PDE8B: variants seen among roughly 807,000 people sequenced by gnomAD.
PDE8B encodes the protein high affinity cAMP-specific and IBMX-insensitive 3',5'-cyclic phosphodiesterase 8B.
In PDE8B, 26 loss-of-function variants were observed where a neutral mutation model predicts 101.3. That is an observed-to-expected ratio of 0.26 (90% CI 0.19 to 0.36). The LOEUF is 0.36. Among genes scored for constraint, PDE8B ranks in the 10% least tolerant of loss-of-function variants. The probability of loss-of-function intolerance (pLI) is 1.00; values close to 1 mark genes in which losing one functional copy is unlikely to be tolerated. For missense variants in PDE8B, 810 were observed against 1,163.1 expected (o/e 0.70, Z 4.42); for synonymous variants, 424 against 429.3 (o/e 0.99, Z 0.15).
chr5:77,240,223 G>A (rs552847253), intron 1 of PDE8B, among the ~76,000 whole-genome samples: 6 of 152,032 alleles, frequency 3.9e-5, no homozygotes, highest in African/African-American at 1.4e-4. Context: ...GCGCGATCCC[G>A]GCTCACTGCA....
In PDE8B at chr5:77,293,484, CCATTT is replaced by C. The variant is rs1294056626; in HGVS notation, c.340-18509_340-18505del. 3.3e-5 allele frequency among the ~76,000 whole-genome samples: 5 copies of C among 152,198 alleles called. No individual in the cohort carries two copies. In the East Asian group the frequency reaches 9.7e-4, roughly 29 times the overall value. The stretch of plus-strand genomic sequence containing the variant: ...CCACCCAGGAAAACAGCATCTCATT[CCATTT>C]ATTTCAGTCATATTTTCTGACACTC... On this transcript the variant is annotated intron_variant, in intron 1 of 21. Coordinates refer to ENST00000264917, the MANE Select transcript of PDE8B (RefSeq NM_003719.5).
intron 10 of PDE8B, among the ~76,000 whole-genome samples, chr5:77,381,929 T>G (rs775612432): frequency 8.5e-5 from 13 of 152,218 alleles, no homozygotes; most frequent in Non-Finnish European, 1.8e-4. Context: ...TATTATCTTA[T>G]GCCCAGGCTC....
At position 77,326,674 on chromosome 5, in the gene PDE8B, A is replaced by G. The variant is rs190641197; in HGVS notation, c.590+945A>G. On this transcript the variant is annotated intron_variant, in intron 3 of 21. Coordinates refer to ENST00000264917, the MANE Select transcript of PDE8B (RefSeq NM_003719.5). ...ATTTTTCTATTTAATAGTGTATATA[A>G]ATATACATATAGTATATCATAAAAT... Among the ~76,000 whole-genome samples the G allele has an allele frequency of 2.0e-5, 3 of 152,284 alleles. No individual in the cohort carries two copies. In the South Asian group the frequency reaches 6.2e-4, roughly 32 times the overall value.
intron 10 of PDE8B, among the ~76,000 whole-genome samples, chr5:77,386,628 G>C (rs1462819607): frequency 1.3e-5 from 2 of 151,886 alleles, no homozygotes; most frequent in African/African-American, 4.8e-5. Context: ...CCATTTGCTT[G>C]GTAAATATTT....
the PDE8B span, among the ~76,000 whole-genome samples, chr5:77,174,469 T>G: frequency 6.6e-6 from 1 of 152,142 alleles, no homozygotes; most frequent in Non-Finnish European, 1.5e-5. Flanking sequence ...TTATTAATTA[T>G]CTCTCTCTCC....
the PDE8B span, among the ~76,000 whole-genome samples, chr5:77,149,761 C>G: frequency 1.3e-5 from 2 of 152,018 alleles, no homozygotes; most frequent in East Asian, 3.9e-4. Flanking sequence ...GTATAGATTC[C>G]TTGGTGTTTT....
intron 1 of PDE8B, among the ~76,000 whole-genome samples, chr5:77,254,475 C>G (rs1758701638): frequency 6.6e-6 from 1 of 152,182 alleles, no homozygotes; most frequent in South Asian, 2.1e-4. Context: ...TTAGCCACCT[C>G]TTTTCTCTAG....
At chr5:77,236,169 G>C (rs573486615) in intron 1 of PDE8B, among the ~76,000 whole-genome samples, 1 of 152,212 alleles carries the variant, frequency 6.6e-6, no homozygotes, top group African/African-American at 2.4e-5. Flanking sequence ...GGGAGGTCCC[G>C]AGTCAGGAAT....
chr5:77,211,153 C>T lies in PDE8B; in HGVS notation c.228C>T (p.Ser76=), dbSNP rs751923669. Residue 76 remains serine (S), a synonymous_variant, in exon 1 of 22, where the codon AGC becomes AGT. Transcript: ENST00000264917. This position sits in a 1 kb window ranked among gnomAD's most constrained non-coding sequence, Gnocchi z 4.1. ...GCAGGGCCCGCACCGAGCTGGGCAG[C>T]GGTAGCAGCGCGGGTTCCGCAGCCC... ...RVRRARTELG[S]GSSAGSAAPA... is the part of the protein sequence containing the mutation. 12 of 1,530,268 alleles carry T rather than the reference C, an allele frequency of 7.8e-6. 1 individual carries two copies. The South Asian group carries it at 1.3e-4, about 17-fold the overall frequency. 94.8% of individuals were successfully genotyped at this position (1,530,268 alleles called of 1,614,324 possible).
chr5:77,222,345 C>T (rs1461335143), intron 1 of PDE8B, among the ~76,000 whole-genome samples: 1 of 152,040 alleles, frequency 6.6e-6, no homozygotes, highest in East Asian at 1.9e-4. Context: ...ATATGATGGC[C>T]GGGCATGGTG....
chr5:77,329,149 T>C (rs950181419), intron 4 of PDE8B, 92 bp downstream of exon 4: 3 of 966,566 alleles, frequency 3.1e-6, no homozygotes, highest in Non-Finnish European at 5.0e-6. Flanking sequence ...ATCTAAGCAA[T>C]GGGTGTGTCT....
chr5:77,232,551 A>G (rs1753792487), intron 1 of PDE8B, among the ~76,000 whole-genome samples: 1 of 152,254 alleles, frequency 6.6e-6, no homozygotes. Flanking sequence ...ATAGCTGCAT[A>G]TATCATCTCC....
At chr5:77,272,336 A>G (rs1762968906) in intron 1 of PDE8B, among the ~76,000 whole-genome samples, 1 of 152,108 alleles carries the variant, frequency 6.6e-6, no homozygotes, top group African/African-American at 2.4e-5. Context: ...ACCTTGGTTG[A>G]CTCTGGTTGT....
intron 1 of PDE8B, among the ~76,000 whole-genome samples, chr5:77,265,592 A>G (rs1343246057): frequency 6.6e-6 from 1 of 152,202 alleles, no homozygotes; most frequent in Non-Finnish European, 1.5e-5. Flanking sequence ...ATAAAAGATA[A>G]CTATCTTTTC....
the PDE8B span, among the ~76,000 whole-genome samples, chr5:77,133,908 T>A: frequency 6.6e-6 from 1 of 152,208 alleles, no homozygotes; most frequent in African/African-American, 2.4e-5. Flanking sequence ...TCAGCTATAT[T>A]GGGCCTTCTG....
At chr5:77,418,195 G>A (rs1475865739) in intron 17 of PDE8B, 34 bp from the exon 18 acceptor site, 1 of 1,339,482 alleles carries the variant, frequency 7.5e-7, no homozygotes, top group Non-Finnish European at 1.1e-6. Flanking sequence ...AAGATCCAGT[G>A]GGTAATGCTC....
At chr5:77,242,333 A>T (rs529587149) in intron 1 of PDE8B, among the ~76,000 whole-genome samples, 20 of 152,340 alleles carry the variant, frequency 1.3e-4, no homozygotes, top group Middle Eastern at 3.4e-3. Context: ...TCAGTAGCAA[A>T]CGTGCTTAAA....
At chr5:77,267,294 G>A (rs1009474110) in intron 1 of PDE8B, among the ~76,000 whole-genome samples, 2 of 152,048 alleles carry the variant, frequency 1.3e-5, no homozygotes, top group African/African-American at 2.4e-5. Context: ...AAAAAAATTA[G>A]CCATGTATGG....
intron 1 of PDE8B, among the ~76,000 whole-genome samples, chr5:77,229,560 G>A (rs1194826197): frequency 6.6e-6 from 1 of 152,086 alleles, no homozygotes; most frequent in Non-Finnish European, 1.5e-5. Flanking sequence ...ACCTCCAAAA[G>A]AAACCCTGAA....
Sources: gnomAD v4.1 joint callset for allele counts (sites outside exome capture counted in the v4.1 genomes callset) on GRCh38, gnomAD v4.1.1 for gene constraint, Gnocchi (gnomAD v3.1) non-coding constraint, MANE v1.5 for transcripts, NCBI Gene and HGNC (gene_info 2026-07-23, HGNC 2026-07-21) for gene names.